The following DCBLD2 variants were observed in gnomAD, a reference collection of about 807,000 sequenced individuals.
DCBLD2 encodes discoidin, CUB and LCCL domain containing 2.
In DCBLD2, 54 loss-of-function variants were observed where a neutral mutation model predicts 86.8. That is an observed-to-expected ratio of 0.62 (90% confidence interval 0.50 to 0.78). The LOEUF (loss-of-function observed/expected upper bound fraction) is 0.78, where lower values mean the gene tolerates loss of function less well. DCBLD2 is among the 30% of genes least tolerant of loss of function. The pLI is 0.00. For synonymous variants in DCBLD2, 354 were observed against 341.3 expected, an observed-to-expected ratio of 1.04 and a Z score of -0.41; for missense variants, 908 against 954.2, an observed-to-expected ratio of 0.95 and a Z score of 0.64.
At chr3:98,895,419 A>G (rs993311549) in intron 1 of DCBLD2, 3 of 152,152 alleles carry the variant, frequency 2.0e-5, no homozygotes, top group Non-Finnish European at 4.4e-5. Flanking sequence ...AGAAGCAAAC[A>G]GTGGAGCATG....
At chr3:98,820,557 C>G (rs868355579) in intron 6 of DCBLD2, among the ~76,000 whole-genome samples, 2 of 152,152 alleles carry the variant, frequency 1.3e-5, no homozygotes, top group Admixed American at 6.5e-5. Context: ...TCTATGTAAT[C>G]TTTAATATGT....
chr3:98,870,480 G>C (rs1943239861), intron 2 of DCBLD2, among the ~76,000 whole-genome samples: 1 of 151,798 alleles, frequency 6.6e-6, no homozygotes, highest in African/African-American at 2.4e-5. Context: ...GAAAAATGGT[G>C]TTTTTGGCAG....
At chr3:98,822,409 A>G in intron 5 of DCBLD2, 48 bp from the exon 6 acceptor site, 1 of 1,577,634 alleles carries the variant, frequency 6.3e-7, no homozygotes. Flanking sequence ...TCTCTTAATA[A>G]TTCATAAACA....
At chr3:98,808,599 T>C (rs1941881834) in intron 12 of DCBLD2, among the ~76,000 whole-genome samples, 1 of 152,204 alleles carries the variant, frequency 6.6e-6, no homozygotes, top group Non-Finnish European at 1.5e-5. Flanking sequence ...CCATTAAATA[T>C]GTTAACTTCA....
At chr3:98,862,048 C>A (rs1317031079) in intron 2 of DCBLD2, among the ~76,000 whole-genome samples, 7 of 152,052 alleles carry the variant, frequency 4.6e-5, no homozygotes, top group Non-Finnish European at 1.0e-4. Context: ...GATATCACCA[C>A]CGATCCCACA....
chr3:98,839,228 T>C (rs1378423361), intron 3 of DCBLD2, among the ~76,000 whole-genome samples: 1 of 149,108 alleles, frequency 6.7e-6, no homozygotes, highest in Non-Finnish European at 1.5e-5. Context: ...TCTTTCCTTC[T>C]CTCTCTCTCT....
At position 98,797,036 on chromosome 3, in the gene DCBLD2, TAAAA is replaced by T. The variant is rs56369137; in HGVS notation, c.*2332_*2335del. 3 of 133,480 alleles carry T rather than the reference TAAAA, an allele frequency of 2.2e-5. No homozygotes were observed. Among genetic ancestry groups the T allele is most frequent in the Non-Finnish European group, 1.6e-5 (1 of 62,658 alleles). The allele number at this position is 133,480 out of a possible 1,614,324, so 8.3% of individuals were successfully genotyped here. On this transcript the variant is annotated 3_prime_UTR_variant, in exon 16 of 16. Coordinates refer to ENST00000326840, the MANE Select transcript of DCBLD2 (RefSeq NM_080927.4). ...ATATGTATCAGACATATAAATGTAG[TAAAA>T]AAAAAAAAAAAAAAAATAGAAAACC...
chr3:98,901,144 G>C lies in DCBLD2; in HGVS notation c.183C>G (p.Leu61=), dbSNP rs1253130385. The change falls in exon 1 of 16, where the codon CTC becomes CTG. Residue 61 remains leucine (L), a synonymous_variant. Coordinates refer to ENST00000326840, the MANE Select transcript of DCBLD2 (RefSeq NM_080927.4). ...LLLLLVLLLL[L]EDAGAQQGDG... is the part of the protein sequence containing the mutation. ...CACCTTGCTGGGCTCCAGCGTCCTC[G>C]AGCAGCAGGAGCAGGACAAGTAAGA... 8 of 1,539,216 alleles carry C rather than the reference G, an allele frequency of 5.2e-6. No homozygotes were observed. Among genetic ancestry groups the C allele is most frequent in the South Asian group, 3.6e-5 (3 of 84,024 alleles).
intron 2 of DCBLD2, among the ~76,000 whole-genome samples, chr3:98,871,961 T>A (rs1943288213): frequency 6.6e-6 from 1 of 152,166 alleles, no homozygotes; most frequent in South Asian, 2.1e-4. Context: ...TGATTCAATC[T>A]CACTACTTAT....
intron 8 of DCBLD2, among the ~76,000 whole-genome samples, chr3:98,818,269 T>G (rs1438464555): frequency 6.6e-6 from 1 of 152,162 alleles, no homozygotes; most frequent in African/African-American, 2.4e-5. Flanking sequence ...ATTAAACCAA[T>G]CCCAACCAAT....
chr3:98,888,050 C>T (rs186430450), intron 1 of DCBLD2, among the ~76,000 whole-genome samples: 212 of 152,104 alleles, frequency 1.4e-3, no homozygotes, highest in Admixed American at 5.1e-3. Flanking sequence ...TTTGCCTTTT[C>T]CAGAGCATCA....
intron 2 of DCBLD2, among the ~76,000 whole-genome samples, chr3:98,867,333 C>A (rs1403728742): frequency 6.6e-6 from 1 of 152,174 alleles, no homozygotes; most frequent in Non-Finnish European, 1.5e-5. Context: ...TTCTTCCTAT[C>A]CATGAGCATG....
chr3:98,863,451 G>C (rs1245736237), intron 2 of DCBLD2, among the ~76,000 whole-genome samples: 1 of 152,152 alleles, frequency 6.6e-6, no homozygotes, highest in Non-Finnish European at 1.5e-5. Flanking sequence ...CAAGCTACTT[G>C]ACTTCAAACT....
chr3:98,835,555 T>TC (rs1942423113), intron 3 of DCBLD2, among the ~76,000 whole-genome samples: 1 of 149,158 alleles, frequency 6.7e-6, no homozygotes, highest in African/African-American at 2.5e-5. Flanking sequence ...TTTTTCTTCT[T>TC]TTTTTTTTTT....
At chr3:98,822,454 G>A (rs1269340919) in intron 5 of DCBLD2, 93 bp from the exon 6 acceptor site, 1 of 1,460,220 alleles carries the variant, frequency 6.8e-7, no homozygotes, top group East Asian at 2.5e-5. Context: ...AGTTAATCTA[G>A]GCAGTTTCTT....
chr3:98,854,088 A>T (rs541031148), intron 2 of DCBLD2, among the ~76,000 whole-genome samples: 1 of 152,340 alleles, frequency 6.6e-6, no homozygotes, highest in East Asian at 1.9e-4. Flanking sequence ...ATATCCAGGC[A>T]CTAAGCCAGG....
At position 98,855,115 on chromosome 3, in the gene DCBLD2, A is replaced by G. The variant is rs114817942; in HGVS notation, c.434-5517T>C. 7.0e-3 allele frequency among the ~76,000 whole-genome samples: 1,065 copies of G among 152,328 alleles called. 7 individuals are homozygous for G. The highest frequency in any genetic ancestry group is 0.019 in the African/African-American group (797 of 41,586). ...ACATCTAAAAAGAACCCATTACCCG[A>G]ATATATACAGAACTCCAACAAATGA... On this transcript the variant is annotated intron_variant, in intron 2 of 15. Coordinates refer to ENST00000326840, the MANE Select transcript of DCBLD2 (RefSeq NM_080927.4).
intron 3 of DCBLD2, among the ~76,000 whole-genome samples, chr3:98,839,618 TATTC>T (rs1942582813): frequency 1.3e-5 from 2 of 152,244 alleles, no homozygotes; most frequent in Non-Finnish European, 2.9e-5. Context: ...TTCGTTCATT[TATTC>T]ATTCAGCATA....
intron 12 of DCBLD2, 86 bp from the exon 13 acceptor site, chr3:98,808,260 C>A: frequency 8.4e-7 from 1 of 1,183,940 alleles, no homozygotes. Flanking sequence ...ACCACATCAT[C>A]TTTCAACATT....
Sources: allele counts gnomAD v4.1 joint callset (sites outside exome capture counted in the v4.1 genomes callset), GRCh38; gene constraint gnomAD v4.1.1; transcripts MANE v1.5; gene names NCBI Gene and HGNC (gene_info 2026-07-23, HGNC 2026-07-21).